ZNF596: variants seen among roughly 807,000 people sequenced by gnomAD.
The protein encoded by ZNF596 is zinc finger protein 596.
ZNF596 carries 45 observed loss-of-function variants against 48.3 expected under a neutral mutation model. The observed-to-expected ratio is 0.93, with a 90% CI of 0.73 to 1.19. The LOEUF (loss-of-function observed/expected upper bound fraction) is 1.19, where lower values mean the gene tolerates loss of function less well. Among genes scored for constraint, ZNF596 ranks in the 50% most tolerant of loss-of-function variants. ZNF596 has a pLI of 0.00. For synonymous variants in ZNF596, 270 were observed against 202.0 expected (o/e 1.34, Z -2.85); for missense variants, 848 against 599.7 (o/e 1.41, Z -4.32).
chr8:234,231 CTG>C (rs1796537224), intron 1 of ZNF596: 1 of 152,224 alleles, frequency 6.6e-6, no homozygotes, highest in Non-Finnish European at 1.5e-5. Context: ...ACTTCAGGCT[CTG>C]TGACTAAAAG....
At chr8:236,251 A>G (rs993939685) in intron 1 of ZNF596, among the ~76,000 whole-genome samples, 1 of 152,202 alleles carries the variant, frequency 6.6e-6, no homozygotes, top group African/African-American at 2.4e-5. Context: ...AACAGGAAAT[A>G]TTGATTTCAG....
intron 1 of ZNF596, chr8:232,915 G>T (rs1796471921): frequency 2.1e-6 from 1 of 468,900 alleles, no homozygotes. Flanking sequence ...GCCCGATCCT[G>T]TAACAACCCT....
chr8:238,737 G>A (rs1418596409), intron 1 of ZNF596, among the ~76,000 whole-genome samples: 1 of 151,870 alleles, frequency 6.6e-6, no homozygotes, highest in Non-Finnish European at 1.5e-5. Context: ...AATCCAGGAG[G>A]TGGAGGTTGC....
intron 1 of ZNF596, among the ~76,000 whole-genome samples, chr8:235,145 T>A (rs1053629739): frequency 6.6e-6 from 1 of 152,222 alleles, no homozygotes. Context: ...CGATGGAGTG[T>A]GTTTTATTCA....
intron 1 of ZNF596, among the ~76,000 whole-genome samples, chr8:239,344 A>G (rs1027231656): frequency 7.2e-5 from 11 of 152,142 alleles, no homozygotes; most frequent in African/African-American, 1.7e-4. Flanking sequence ...GCCTGCCACC[A>G]TGCCCAGCTA....
At position 239,476 on chromosome 8, in the gene ZNF596, C is replaced by T. The variant is rs376727532; in HGVS notation, c.-72-1348C>T. 4.6e-5 allele frequency among the ~76,000 whole-genome samples: 7 copies of T among 152,202 alleles called. No individual in the cohort carries two copies. The East Asian group carries it at 9.7e-4, about 21-fold the overall frequency. ...CCTCCCAAAGTGCTGGGATTACAGG[C>T]GTGAGCCACCATGCCCGGCAAGAAC... On this transcript the variant is annotated intron_variant, in intron 1 of 5. Transcript: ENST00000398612.
At chr8:243,063 A>C in intron 3 of ZNF596, 50 bp downstream of exon 3, 1 of 1,523,570 alleles carries the variant, frequency 6.6e-7, no homozygotes, top group South Asian at 1.2e-5. Context: ...TCATTCACTC[A>C]CTCATTTTTC....
intron 1 of ZNF596, chr8:240,613 A>G: frequency 2.4e-6 from 1 of 420,230 alleles, no homozygotes; most frequent in South Asian, 5.3e-5. Flanking sequence ...TGATTTTCAC[A>G]TTTCTAGGTC....
rs117305688 is a variant in ZNF596 at position 246,121 on chromosome 8, G to T, written c.1274G>T (p.Gly425Val). Residue 425 changes from glycine to valine, a missense_variant, in exon 6 of 6, where the codon GGA becomes GTA. Physicochemically the swap from Gly to Val is moderately radical, Grantham distance 109. Coordinates refer to ENST00000398612, the MANE Select transcript of ZNF596 (RefSeq NM_001042416.3). Reference sequence around the variant, plus strand: ...AAACCATATGAATGCCATCTATGCGGAAAAGCCTTCAATCACTCTTCTGTC... The same window carrying T: ...AAACCATATGAATGCCATCTATGCGTAAAAGCCTTCAATCACTCTTCTGTC... Reference protein sequence around the residue: ...GEKPYECHLCGKAFNHSSVLR... With the variant: ...GEKPYECHLCVKAFNHSSVLR... 12,557 of 1,613,972 alleles carry T rather than the reference G, an allele frequency of 7.8e-3. 60 individuals are homozygous for T. Among genetic ancestry groups the T allele is most frequent in the Non-Finnish European group, 9.6e-3 (11,351 of 1,179,858 alleles).
At chr8:244,352 G>A (rs747771808) in intron 4 of ZNF596, 96 of 417,588 alleles carry the variant, frequency 2.3e-4, no homozygotes, top group Non-Finnish European at 3.7e-4. Context: ...GTACTTATTT[G>A]AGTTAAACTA....
At chr8:239,679 T>TG (rs1223358406) in intron 1 of ZNF596, among the ~76,000 whole-genome samples, 3 of 152,304 alleles carry the variant, frequency 2.0e-5, no homozygotes, top group South Asian at 2.1e-4. Context: ...TCCAAGCAGT[T>TG]GGGGGGTACC....
chr8:243,039 A>G (rs1213369939), intron 3 of ZNF596, 26 bp downstream of exon 3: 4 of 1,581,240 alleles, frequency 2.5e-6, no homozygotes, highest in Admixed American at 1.7e-5. Flanking sequence ...TTTATTATGT[A>G]TGTATATACG....
rs759314175 is a variant in ZNF596 at position 245,706 on chromosome 8, G to A, written c.859G>A (p.Ala287Thr). The A allele has an allele frequency of 4.3e-6, 7 of 1,614,060 alleles. No individual in the cohort carries two copies. The Admixed American group carries it at 5.0e-5, about 12-fold the overall frequency. ...KAQICHLCGK[A>T]FTHCSDLRKH... ...ACAGATATGCCATCTATGTGGGAAAGCCTTCACTCATTGCTCTGACCTTAG... is the reference window on the plus strand; with the variant it reads ...ACAGATATGCCATCTATGTGGGAAAACCTTCACTCATTGCTCTGACCTTAG... Residue 287 changes from alanine to threonine, a missense_variant, in exon 6 of 6, where the codon GCC becomes ACC. Coordinates refer to ENST00000398612, the MANE Select transcript of ZNF596 (RefSeq NM_001042416.3).
At chr8:243,089 C>G in intron 3 of ZNF596, 76 bp downstream of exon 3, 7 of 1,410,086 alleles carry the variant, frequency 5.0e-6, no homozygotes, top group Non-Finnish European at 6.8e-6. Flanking sequence ...TTCATTCTTT[C>G]ATTCTACACG....
Position 247,170 on chromosome 8 carries a change from A to G in ZNF596, c.*808A>G, listed in dbSNP as rs1797124161. 1 of 152,176 alleles carries G rather than the reference A, an allele frequency of 6.6e-6. No individual in the cohort carries two copies. The highest frequency in any genetic ancestry group is 2.1e-4 in the South Asian group (1 of 4,820). 9.4% of individuals were successfully genotyped at this position (152,176 alleles called of 1,614,324 possible). A position where few individuals can be genotyped will look rare whatever the true frequency, so the allele number is the denominator to read the frequency against. On this transcript the variant is annotated 3_prime_UTR_variant, in exon 6 of 6. Coordinates refer to ENST00000398612, the MANE Select transcript of ZNF596 (RefSeq NM_001042416.3). The stretch of plus-strand genomic sequence containing the variant: ...CATTGATGAGATGTATAGCTGGGGG[A>G]CAAAACATAAAGCCATCAAGCACGT...
At chr8:243,459 T>C in intron 3 of ZNF596, 1 of 371,816 alleles carries the variant, frequency 2.7e-6, no homozygotes, top group East Asian at 4.7e-5. Flanking sequence ...AATTTCTCAC[T>C]AAGTGAAAAC....
chr8:232,150 G>A (rs1407426263), upstream of ZNF596: 3 of 152,024 alleles, frequency 2.0e-5, no homozygotes, highest in Admixed American at 1.3e-4. Flanking sequence ...TTGGGTGGAA[G>A]CAGCGCGGAC....
Position 245,356 on chromosome 8 carries a change from A to C in ZNF596, c.509A>C (p.His170Pro). ...IHTKCKSYGSHLFDYAFIQNS... is the reference protein window; with the variant it reads ...IHTKCKSYGSPLFDYAFIQNS... ...ACCAAATGTAAATCATATGGAAGTCATCTATTTGATTATGCCTTTATCCAA... is the reference window on the plus strand; with the variant it reads ...ACCAAATGTAAATCATATGGAAGTCCTCTATTTGATTATGCCTTTATCCAA... Residue 170 changes from histidine (H) to proline (P), a missense_variant, in exon 6 of 6, where the codon CAT (histidine) becomes CCT (proline). Transcript: ENST00000398612. 1.2e-6 allele frequency: 2 copies of C among 1,614,132 alleles called. No individual in the cohort carries two copies. Among genetic ancestry groups the C allele is most frequent in the South Asian group, 2.2e-5 (2 of 91,078 alleles).
intron 1 of ZNF596, among the ~76,000 whole-genome samples, chr8:236,116 C>T (rs1010877641): frequency 1.3e-5 from 2 of 152,106 alleles, no homozygotes; most frequent in African/African-American, 4.8e-5. Context: ...TTTATATCCT[C>T]ATTAAGTTTT....
Sources: allele counts gnomAD v4.1 joint callset (sites outside exome capture counted in the v4.1 genomes callset), GRCh38; gene constraint gnomAD v4.1.1; transcripts MANE v1.5; gene names NCBI Gene and HGNC (gene_info 2026-07-23, HGNC 2026-07-21).